Variants in GLRB observed in about 807,000 individuals in gnomAD.
GLRB encodes glycine receptor subunit beta.
A neutral mutation model predicts 54.2 loss-of-function variants in GLRB; 33 were observed. That is an observed-to-expected ratio of 0.61 (90% CI 0.46 to 0.81). The LOEUF (loss-of-function observed/expected upper bound fraction) is 0.81. Among genes scored for constraint, GLRB ranks in the 40% least tolerant of loss-of-function variants. The probability of loss-of-function intolerance (pLI) is 0.00; values close to 1 mark genes in which losing one functional copy is unlikely to be tolerated. For synonymous variants in GLRB, 209 were observed against 208.2 expected, an observed-to-expected ratio of 1.00 and a Z score of -0.03; for missense variants, 572 against 584.6, an observed-to-expected ratio of 0.98 and a Z score of 0.22.
intron 2 of GLRB, among the ~76,000 whole-genome samples, chr4:157,088,132 G>A (rs934461134): frequency 6.6e-6 from 1 of 152,102 alleles, no homozygotes; most frequent in African/African-American, 2.4e-5. Flanking sequence ...TGAAACATCT[G>A]ACATTTATTA....
rs759633482 is a variant in GLRB, at chr4:157,170,770, G to A, written c.*42G>A. On this transcript the variant is annotated 3_prime_UTR_variant, in exon 10 of 10. Coordinates refer to ENST00000264428, the MANE Select transcript of GLRB (RefSeq NM_000824.5). ...GTACAAAATAAAATTCCATTTCATT[G>A]TGACCTACTCCTTTCATAAATGCCA... is the stretch of plus-strand genomic sequence containing the variant. 1 of 1,141,900 alleles carries A rather than the reference G, an allele frequency of 8.8e-7. No homozygotes were observed. The highest frequency in any genetic ancestry group is 1.7e-5 in the South Asian group (1 of 60,112). 70.7% of individuals were successfully genotyped at this position (1,141,900 alleles called of 1,614,324 possible).
rs888769066 is a variant in GLRB, at chr4:157,102,286, G to T, written c.123-18270G>T. Among the ~76,000 whole-genome samples the T allele has an allele frequency of 3.3e-5, 5 of 152,108 alleles. No homozygotes were observed. In the South Asian group the frequency reaches 1.0e-3, roughly 31 times the overall value. The stretch of plus-strand genomic sequence containing the variant: ...ACTGTTAACTATAGGCACATATCTA[G>T]AATTTATTCATCTTGTATAATTAAA... On this transcript the variant is annotated intron_variant, in intron 2 of 9. Coordinates refer to ENST00000264428, the MANE Select transcript of GLRB (RefSeq NM_000824.5).
At chr4:157,087,657 G>A (rs1734460136) in intron 2 of GLRB, among the ~76,000 whole-genome samples, 1 of 151,674 alleles carries the variant, frequency 6.6e-6, no homozygotes, top group African/African-American at 2.4e-5. Context: ...TTCCAGAGTT[G>A]ATTTATCAAA....
chr4:157,160,040 C>A (rs1395473433), intron 9 of GLRB, among the ~76,000 whole-genome samples: 1 of 152,128 alleles, frequency 6.6e-6, no homozygotes, highest in African/African-American at 2.4e-5. Flanking sequence ...AGGGATTCAA[C>A]TTCTTTCTGG....
intron 2 of GLRB, among the ~76,000 whole-genome samples, chr4:157,078,565 A>G (rs1352504434): frequency 2.0e-5 from 3 of 152,210 alleles, no homozygotes; most frequent in African/African-American, 7.2e-5. Flanking sequence ...CAGATAGGTA[A>G]CTGTGATCTT....
chr4:157,105,992 A>G (rs1735209969), intron 2 of GLRB, among the ~76,000 whole-genome samples: 2 of 152,070 alleles, frequency 1.3e-5, no homozygotes, highest in African/African-American at 4.8e-5. Context: ...TTATTAGACT[A>G]TATATAACTT....
chr4:157,090,959 G>A (rs1734587883), intron 2 of GLRB, among the ~76,000 whole-genome samples: 4 of 151,982 alleles, frequency 2.6e-5, no homozygotes, highest in South Asian at 2.1e-4. Context: ...AAAGTTACAG[G>A]TTCTCTTCAT....
intron 2 of GLRB, among the ~76,000 whole-genome samples, chr4:157,092,097 C>T (rs962555418): frequency 1.3e-5 from 2 of 152,164 alleles, no homozygotes; most frequent in Non-Finnish European, 1.5e-5. Context: ...AGTGCATCCT[C>T]AGATAATTCT....
At chr4:157,114,607 T>A (rs1024268966) in intron 2 of GLRB, among the ~76,000 whole-genome samples, 1 of 151,816 alleles carries the variant, frequency 6.6e-6, no homozygotes. Flanking sequence ...TCCAGGATAC[T>A]ATGTTACATA....
chr4:157,112,783 A>G (rs973282963), intron 2 of GLRB, among the ~76,000 whole-genome samples: 1 of 151,828 alleles, frequency 6.6e-6, no homozygotes, highest in East Asian at 2.0e-4. Flanking sequence ...AGGACAAGAC[A>G]CCTTACTTCA....
rs569893097 is a variant in GLRB, at chr4:157,100,454, C to T, written c.123-20102C>T. Among the ~76,000 whole-genome samples, 5 of 152,246 alleles carry T rather than the reference C, an allele frequency of 3.3e-5. No individual in the cohort carries two copies. The South Asian group carries it at 1.0e-3, about 32-fold the overall frequency. On this transcript the variant is annotated intron_variant, in intron 2 of 9. Coordinates refer to ENST00000264428, the MANE Select transcript of GLRB (RefSeq NM_000824.5). ...TGCCTCACTGGTATATTAGTTTAGTCTTGTGCCAGTAACACACTCCCCTAT... is the reference window on the plus strand; with the variant it reads ...TGCCTCACTGGTATATTAGTTTAGTTTTGTGCCAGTAACACACTCCCCTAT...
chr4:157,111,708 A>G (rs537034077), intron 2 of GLRB, among the ~76,000 whole-genome samples: 9 of 152,094 alleles, frequency 5.9e-5, no homozygotes, highest in African/African-American at 9.6e-5. Flanking sequence ...CTTTTTCACT[A>G]TCTTGCTGAC....
intron 9 of GLRB, among the ~76,000 whole-genome samples, chr4:157,167,262 G>A (rs952546545): frequency 6.6e-6 from 1 of 152,124 alleles, no homozygotes; most frequent in African/African-American, 2.4e-5. Context: ...GAAAGTCTTA[G>A]GGCAATGCAA....
intron 6 of GLRB, 148 bp downstream of exon 6, chr4:157,137,034 G>A (rs573451404): frequency 1.6e-6 from 1 of 634,902 alleles, no homozygotes; most frequent in Admixed American, 2.6e-5. Context: ...GGAAATTATA[G>A]TTACTCTTTT....
intron 8 of GLRB, among the ~76,000 whole-genome samples, chr4:157,148,554 T>C (rs918567162): frequency 2.6e-5 from 4 of 152,202 alleles, no homozygotes; most frequent in Admixed American, 2.0e-4. Flanking sequence ...CAAATTTTGG[T>C]ATATTGTATT....
intron 2 of GLRB, among the ~76,000 whole-genome samples, chr4:157,079,345 A>G (rs1169137784): frequency 1.3e-5 from 2 of 152,224 alleles, no homozygotes; most frequent in African/African-American, 2.4e-5. Context: ...CAGATGTTCC[A>G]TAAGAGATGA....
chr4:157,146,031 T>G (rs909110548), intron 8 of GLRB, among the ~76,000 whole-genome samples: 2 of 151,958 alleles, frequency 1.3e-5, no homozygotes, highest in East Asian at 3.9e-4. Context: ...GAGCTTTTTT[T>G]TTTTTGATGG....
intron 2 of GLRB, among the ~76,000 whole-genome samples, chr4:157,102,028 T>C (rs1735050047): frequency 6.6e-6 from 1 of 152,168 alleles, no homozygotes. Flanking sequence ...ACAGTTCAAA[T>C]AATAATAACC....
At chr4:157,121,561 A>G (rs942658388) in intron 3 of GLRB, among the ~76,000 whole-genome samples, 1 of 151,284 alleles carries the variant, frequency 6.6e-6, no homozygotes, top group African/African-American at 2.4e-5. Context: ...GTTCATTACC[A>G]GGACCTATTC....
Sources: gnomAD v4.1 joint callset for allele counts (sites outside exome capture counted in the v4.1 genomes callset) on GRCh38, gnomAD v4.1.1 for gene constraint, MANE v1.5 for transcripts, NCBI Gene and HGNC (gene_info 2026-07-23, HGNC 2026-07-21) for gene names.